CHD6: variants seen among roughly 807,000 people sequenced by gnomAD.
The protein encoded by CHD6 is ATP-dependent chromatin remodeler CHD6.
Under a neutral mutation model 276.9 loss-of-function variants are expected in CHD6, and 50 were observed. The ratio of observed to expected loss-of-function variants is 0.18; its 90% confidence interval spans 0.14 to 0.23. The LOEUF is 0.23. CHD6 is among the 10% of genes least tolerant of loss of function. The pLI is 1.00. For synonymous variants in CHD6, 1,173 were observed against 1,229.3 expected (o/e 0.95, Z 0.96); for missense variants, 2,564 against 3,365.8 (o/e 0.76, Z 5.89).
intron 2 of CHD6, among the ~76,000 whole-genome samples, chr20:41,538,942 C>T (rs1568688184): frequency 6.6e-6 from 1 of 152,138 alleles, no homozygotes; most frequent in Non-Finnish European, 1.5e-5. Flanking sequence ...GGTGACCACC[C>T]ACCTATGGGA....
chr20:41,580,330 T>C (rs553965742), intron 1 of CHD6, among the ~76,000 whole-genome samples: 15 of 152,052 alleles, frequency 9.9e-5, no homozygotes, highest in Non-Finnish European at 2.2e-4. Flanking sequence ...CTGCCAAATA[T>C]GTCTTACCAG....
chr20:41,551,914 G>A (rs1457624039), intron 1 of CHD6, among the ~76,000 whole-genome samples: 4 of 152,058 alleles, frequency 2.6e-5, no homozygotes, highest in Admixed American at 1.3e-4. Flanking sequence ...TATTTCATAC[G>A]ATTTTTTTTA....
intron 27 of CHD6, among the ~76,000 whole-genome samples, chr20:41,433,204 G>T (rs1367044374): frequency 1.3e-5 from 2 of 152,132 alleles, no homozygotes; most frequent in Non-Finnish European, 2.9e-5. Context: ...AATACTTGAA[G>T]AAATCATGGC....
chr20:41,427,342 C>T (rs1040974943), intron 27 of CHD6, among the ~76,000 whole-genome samples: 4 of 152,022 alleles, frequency 2.6e-5, no homozygotes, highest in Admixed American at 6.6e-5. Context: ...CGCAGAACAG[C>T]GTTAACAGCT....
At chr20:41,469,895 C>G (rs186563828) in intron 17 of CHD6, among the ~76,000 whole-genome samples, 4 of 152,290 alleles carry the variant, frequency 2.6e-5, no homozygotes, top group Admixed American at 2.6e-4. Context: ...TAAGTAGTAC[C>G]CAGTTTCTAT....
chr20:41,593,595 A>G (rs2045686804), intron 1 of CHD6, among the ~76,000 whole-genome samples: 1 of 152,224 alleles, frequency 6.6e-6, no homozygotes. Flanking sequence ...GTTTTGAAAC[A>G]TGGGTGTTAT....
At chr20:41,455,726 G>T in intron 19 of CHD6, 74 bp downstream of exon 19, 4 of 998,186 alleles carry the variant, frequency 4.0e-6, no homozygotes, top group Non-Finnish European at 5.7e-6. Context: ...CAGAAGCCCT[G>T]CTAATGGGTT....
chr20:41,532,748 CA>C (rs1204809926), intron 3 of CHD6, among the ~76,000 whole-genome samples: 1 of 152,090 alleles, frequency 6.6e-6, no homozygotes, highest in Non-Finnish European at 1.5e-5. Context: ...GTACTAAGAC[CA>C]AAAAGAATGG....
chr20:41,521,101 C>T (rs1001527558), intron 3 of CHD6, among the ~76,000 whole-genome samples: 4 of 152,028 alleles, frequency 2.6e-5, no homozygotes, highest in African/African-American at 9.7e-5. Context: ...CACAGATCTG[C>T]CTTTAGGAAA....
chr20:41,593,856 G>A (rs968380984), intron 1 of CHD6, among the ~76,000 whole-genome samples: 10 of 152,216 alleles, frequency 6.6e-5, no homozygotes, highest in East Asian at 3.9e-4. Flanking sequence ...GAAAGAAACC[G>A]AACCTGCTGA....
chr20:41,521,540 A>C (rs1363584811), intron 3 of CHD6, among the ~76,000 whole-genome samples: 2 of 152,174 alleles, frequency 1.3e-5, no homozygotes, highest in Non-Finnish European at 2.9e-5. Context: ...GCATGTGTAT[A>C]TATACACATA....
chr20:41,416,921 T>G (rs1254831613), intron 32 of CHD6, 127 bp from the exon 33 acceptor site: 1 of 808,488 alleles, frequency 1.2e-6, no homozygotes, highest in Non-Finnish European at 1.9e-6. Flanking sequence ...TCAAACATAC[T>G]CACTTTATAA....
chr20:41,412,058 A>G (rs2046856072), intron 36 of CHD6, 86 bp downstream of exon 36: 1 of 1,554,992 alleles, frequency 6.4e-7, no homozygotes, highest in South Asian at 1.2e-5. Flanking sequence ...ACCCCTTCCC[A>G]GCTGGGGCTT....
At chr20:41,499,205 T>A (rs1165191041) in intron 6 of CHD6, 90 bp downstream of exon 6, 2 of 950,832 alleles carry the variant, frequency 2.1e-6, no homozygotes, top group Non-Finnish European at 3.1e-6. Context: ...CAGCCAATAA[T>A]GGTCATTCTA....
intron 19 of CHD6, among the ~76,000 whole-genome samples, chr20:41,455,221 A>G (rs554315837): frequency 3.3e-5 from 5 of 152,338 alleles, no homozygotes; most frequent in South Asian, 2.1e-4. Flanking sequence ...AGGTGTCACC[A>G]AACAGGAGAT....
chr20:41,483,466 G>C lies in CHD6; in HGVS notation c.2311C>G (p.Pro771Ala), dbSNP rs774352015. ...DFRKTHSPDA[P>A]DFQLQAMIQA... ...ATCATGGCCTGCAGCTGAAAGTCAG[G>C]GGCATCAGGGCTGTGGGTTTTTCGG... The change falls in exon 16 of 37, where the codon CCT (proline) becomes GCT (alanine). Residue 771 changes from proline (P) to alanine (A), a missense_variant. Transcript: ENST00000373233. 15 of 1,613,456 alleles carry C rather than the reference G, an allele frequency of 9.3e-6. No individual in the cohort carries two copies. The African/African-American group carries it at 1.6e-4, about 17-fold the overall frequency.
chr20:41,457,498 G>A, intron 17 of CHD6, 70 bp from the exon 18 acceptor site: 2 of 1,536,898 alleles, frequency 1.3e-6, no homozygotes, highest in Non-Finnish European at 1.8e-6. Context: ...GGGAATAGGG[G>A]AGTGCTTAAA....
At chr20:41,575,398 T>C (rs1012227568) in intron 1 of CHD6, among the ~76,000 whole-genome samples, 5 of 152,202 alleles carry the variant, frequency 3.3e-5, no homozygotes, top group African/African-American at 1.2e-4. Context: ...AAAATATATA[T>C]TTATACAAAC....
chr20:41,412,819 T>A (rs1600795210), intron 35 of CHD6, among the ~76,000 whole-genome samples: 1 of 152,294 alleles, frequency 6.6e-6, no homozygotes, highest in South Asian at 2.1e-4. Context: ...ACAAAGACAG[T>A]ACGATGACTT....
Sources: gnomAD v4.1 joint callset for allele counts (sites outside exome capture counted in the v4.1 genomes callset) on GRCh38, gnomAD v4.1.1 for gene constraint, MANE v1.5 for transcripts, NCBI Gene and HGNC (gene_info 2026-07-23, HGNC 2026-07-21) for gene names.